Variants in FAT3 observed in about 807,000 individuals in gnomAD.
The protein encoded by FAT3 is FAT atypical cadherin 3.
FAT3 carries 95 observed loss-of-function variants against 310.2 expected under a neutral mutation model. That is an observed-to-expected ratio of 0.31 (90% CI 0.26 to 0.36). The LOEUF (loss-of-function observed/expected upper bound fraction) is 0.36, where lower values mean the gene tolerates loss of function less well. Ranked by LOEUF, FAT3 falls within the 10% of genes least tolerant of loss-of-function variation. The pLI, the probability that FAT3 is intolerant of heterozygous loss-of-function variation, is 1.00. For missense variants in FAT3, 5,408 were observed against 5,715.6 expected (o/e 0.95, Z 1.74); for synonymous variants, 2,314 against 2,192.9 (o/e 1.06, Z -1.54).
intron 2 of FAT3, among the ~76,000 whole-genome samples, chr11:92,510,873 TCTC>T (rs1953267564): frequency 6.6e-6 from 1 of 152,206 alleles, no homozygotes; most frequent in Admixed American, 6.5e-5. Context: ...GGGTTTTTCT[TCTC>T]CTTCTGCAAA....
At chr11:92,411,161 A>ATT (rs1555037830) in intron 2 of FAT3, among the ~76,000 whole-genome samples, 3 of 142,808 alleles carry the variant, frequency 2.1e-5, no homozygotes, top group African/African-American at 7.7e-5. Context: ...ATATATATAT[A>ATT]ATATATATAT....
intron 1 of FAT3, among the ~76,000 whole-genome samples, chr11:92,334,013 G>C (rs898047533): frequency 4.6e-5 from 7 of 152,234 alleles, no homozygotes; most frequent in African/African-American, 1.7e-4. Context: ...TAGTTAACCA[G>C]TATTCAAATA....
intron 1 of FAT3, among the ~76,000 whole-genome samples, chr11:92,340,222 A>G (rs1948210867): frequency 6.6e-6 from 1 of 151,832 alleles, no homozygotes; most frequent in African/African-American, 2.4e-5. Context: ...AAGGCATTGA[A>G]GTGTTTCTGC....
At position 92,612,176 on chromosome 11, in the gene FAT3, A is replaced by G. The variant is rs530723621; in HGVS notation, c.3608-85208A>G. On this transcript the variant is annotated intron_variant, in intron 3 of 27. Coordinates refer to ENST00000525166, the MANE Select transcript of FAT3 (RefSeq NM_001367949.2). ...TTTTTACTTGTAATAGTGTTTTTCC[A>G]TACAAAGCCATTTCAGTTTTATACT... Among the ~76,000 whole-genome samples, 16 of 152,228 alleles carry G rather than the reference A, an allele frequency of 1.1e-4. 2 individuals are homozygous for G. The highest frequency in any genetic ancestry group is 9.8e-4 in the Admixed American group (15 of 15,302).
chr11:92,610,367 A>G (rs941659421), intron 3 of FAT3, among the ~76,000 whole-genome samples: 3 of 152,170 alleles, frequency 2.0e-5, no homozygotes, highest in African/African-American at 7.2e-5. Flanking sequence ...AGGCCTTCAA[A>G]CAGGTTTGTG....
At chr11:92,564,918 C>T (rs1955373503) in intron 3 of FAT3, among the ~76,000 whole-genome samples, 1 of 140,124 alleles carries the variant, frequency 7.1e-6, no homozygotes, top group Non-Finnish European at 1.6e-5. Flanking sequence ...GCACTAAATG[C>T]CCACAAGAGA....
chr11:92,461,065 T>A (rs189766161), intron 2 of FAT3, among the ~76,000 whole-genome samples: 291 of 152,356 alleles, frequency 1.9e-3, no homozygotes, highest in African/African-American at 6.5e-3. Flanking sequence ...TTTGTCTTTA[T>A]ACAAAATTTT....
At chr11:92,548,930 C>A (rs980945439) in intron 3 of FAT3, among the ~76,000 whole-genome samples, 2 of 152,138 alleles carry the variant, frequency 1.3e-5, no homozygotes, top group African/African-American at 2.4e-5. Flanking sequence ...TATTGGCCAA[C>A]AGTGTCAACC....
intron 4 of FAT3, among the ~76,000 whole-genome samples, chr11:92,705,175 C>T (rs1944232111): frequency 6.6e-6 from 1 of 152,208 alleles, no homozygotes; most frequent in Non-Finnish European, 1.5e-5. Flanking sequence ...CAGGAACAAA[C>T]CCCTCCTAAG....
intron 10 of FAT3, among the ~76,000 whole-genome samples, chr11:92,803,854 T>G (rs1947432130): frequency 6.6e-6 from 1 of 152,358 alleles, no homozygotes; most frequent in South Asian, 2.1e-4. Flanking sequence ...TCACCTTTTC[T>G]GCACTGTCTG....
In FAT3 at chr11:92,887,095, G is replaced by C; in HGVS notation, c.13033G>C (p.Asp4345His). The change falls in exon 25 of 28, where the codon GAT (aspartate) becomes CAT (histidine). Residue 4345 changes from aspartate (D) to histidine (H), a missense_variant. By Grantham distance (81) the Asp-to-His change is moderately conservative. This residue lies in a region of FAT3 where 649 missense variants were observed against 666.2 expected (regional missense o/e 0.97). Transcript: ENST00000525166. ...EVQSLSSFQS[D>H]SGDDNASIVT... ...TCAGTCCCTCAGCTCCTTCCAGTCA[G>C]ATTCTGGTGACGACAATGGTAAGAA... The C allele has an allele frequency of 6.2e-7, 1 of 1,610,770 alleles. No homozygotes were observed. The highest frequency in any genetic ancestry group is 1.7e-5 in the Admixed American group (1 of 59,574).
At chr11:92,605,974 C>T (rs1940271788) in intron 3 of FAT3, among the ~76,000 whole-genome samples, 1 of 152,052 alleles carries the variant, frequency 6.6e-6, no homozygotes, top group Non-Finnish European at 1.5e-5. Context: ...TCAGTGAGCA[C>T]AGAATGTCAT....
At chr11:92,259,061 G>A (rs780363414) in intron 1 of FAT3, among the ~76,000 whole-genome samples, 1 of 151,994 alleles carries the variant, frequency 6.6e-6, no homozygotes, top group African/African-American at 2.4e-5. Flanking sequence ...CTATGGCCAA[G>A]CTAGTTTTCT....
chr11:92,443,777 G>A (rs1308780930), intron 2 of FAT3, among the ~76,000 whole-genome samples: 1 of 152,084 alleles, frequency 6.6e-6, no homozygotes, highest in East Asian at 1.9e-4. Context: ...AGAAGCATGA[G>A]GAGATGGTTA....
At chr11:92,307,797 T>A (rs1947180067) in intron 1 of FAT3, among the ~76,000 whole-genome samples, 1 of 152,172 alleles carries the variant, frequency 6.6e-6, no homozygotes, top group Non-Finnish European at 1.5e-5. Flanking sequence ...TAATTTTATT[T>A]CCCTCCTCAG....
intron 2 of FAT3, among the ~76,000 whole-genome samples, chr11:92,505,579 G>A (rs1953075485): frequency 6.6e-6 from 1 of 152,086 alleles, no homozygotes; most frequent in African/African-American, 2.4e-5. Flanking sequence ...AACCAGTGGG[G>A]AGCTTACATT....
chr11:92,727,630 A>G (rs1413624827), intron 4 of FAT3, among the ~76,000 whole-genome samples: 2 of 152,188 alleles, frequency 1.3e-5, no homozygotes, highest in Non-Finnish European at 2.9e-5. Context: ...GTAGGTTTGC[A>G]GAACCGACAT....
intron 2 of FAT3, among the ~76,000 whole-genome samples, chr11:92,515,938 G>A (rs1326026029): frequency 1.3e-5 from 2 of 152,030 alleles, no homozygotes; most frequent in African/African-American, 4.8e-5. Flanking sequence ...ACTAAACCAG[G>A]AAGAAGTTGA....
At chr11:92,709,643 C>A (rs1321306389) in intron 4 of FAT3, among the ~76,000 whole-genome samples, 1 of 152,188 alleles carries the variant, frequency 6.6e-6, no homozygotes, top group African/African-American at 2.4e-5. Context: ...TCCAGGTAAT[C>A]CACAACCCAG....
Sources: allele counts gnomAD v4.1 joint callset (sites outside exome capture counted in the v4.1 genomes callset), GRCh38; gene constraint gnomAD v4.1.1; regional missense constraint gnomAD v4.1.1; transcripts MANE v1.5; gene names NCBI Gene and HGNC (gene_info 2026-07-23, HGNC 2026-07-21).